The following TMCO6 variants were observed in gnomAD, a reference collection of about 807,000 sequenced individuals.
TMCO6 encodes the protein transmembrane and coiled-coil domain-containing protein 6.
A neutral mutation model predicts 61.8 loss-of-function variants in TMCO6; 47 were observed. The observed-to-expected ratio is 0.76, with a 90% CI of 0.60 to 0.97. The LOEUF (loss-of-function observed/expected upper bound fraction) is 0.97, where lower values mean the gene tolerates loss of function less well. Ranked by LOEUF, TMCO6 falls within the 50% of genes least tolerant of loss-of-function variation. TMCO6 has a pLI of 0.00. For missense variants in TMCO6, 557 were observed against 601.6 expected (o/e 0.93, Z 0.78); for synonymous variants, 261 against 254.2 (o/e 1.03, Z -0.25).
intron 2 of TMCO6, chr5:140,641,064 C>T (rs1345941432): frequency 6.5e-6 from 1 of 154,862 alleles, no homozygotes; most frequent in East Asian, 1.9e-4. Flanking sequence ...AGGATAGAGT[C>T]CTTTTCTTTG....
chr5:140,631,593 C>A, the TMCO6 span: 1 of 373,276 alleles, frequency 2.7e-6, no homozygotes, highest in African/African-American at 2.1e-5. Flanking sequence ...CCCCGCAGTT[C>A]TTTTCTTGAG....
chr5:140,639,291 A>G (rs762416533), upstream of TMCO6: 81 of 518,950 alleles, frequency 1.6e-4, no homozygotes, highest in Non-Finnish European at 2.2e-4. Flanking sequence ...AATCAGAGGC[A>G]GAGCGACGCC....
the TMCO6 span, among the ~76,000 whole-genome samples, chr5:140,616,765 T>C: frequency 4.0e-5 from 6 of 151,858 alleles, no homozygotes; most frequent in Non-Finnish European, 8.8e-5. Flanking sequence ...TGGGCAAAGG[T>C]CCAGTCATGG....
chr5:140,602,845 C>A, the TMCO6 span, among the ~76,000 whole-genome samples: 1 of 151,926 alleles, frequency 6.6e-6, no homozygotes, highest in Non-Finnish European at 1.5e-5. Flanking sequence ...CGTGGTGGCT[C>A]ACGCCTGTAA....
intron 4 of TMCO6, 23 bp from the exon 5 acceptor site, chr5:140,642,292 G>C: frequency 6.3e-7 from 1 of 1,590,850 alleles, no homozygotes; most frequent in Non-Finnish European, 8.6e-7. Flanking sequence ...GCCAAGCCCA[G>C]TGCTTTTGTT....
chr5:140,622,779 T>C, the TMCO6 span, among the ~76,000 whole-genome samples: 2 of 147,624 alleles, frequency 1.4e-5, no homozygotes, highest in Non-Finnish European at 3.0e-5. Context: ...GAGCAATGCA[T>C]GGGGAAACGT....
chr5:140,616,786 C>G, the TMCO6 span, among the ~76,000 whole-genome samples: 1 of 152,022 alleles, frequency 6.6e-6, no homozygotes, highest in African/African-American at 2.4e-5. Context: ...TGACTGATGC[C>G]TGTAATCACA....
intron 2 of TMCO6, among the ~76,000 whole-genome samples, chr5:140,640,513 C>T (rs1199991764): frequency 6.6e-6 from 1 of 151,630 alleles, no homozygotes; most frequent in African/African-American, 2.4e-5. Flanking sequence ...TCAAGCGATT[C>T]TCCTGCCTCA....
At chr5:140,618,641 C>G in the TMCO6 span, among the ~76,000 whole-genome samples, 1 of 152,064 alleles carries the variant, frequency 6.6e-6, no homozygotes, top group Non-Finnish European at 1.5e-5. Flanking sequence ...GCTACTCTCC[C>G]TCTTCCACCC....
Position 140,643,626 on chromosome 5 carries a change from T to A in TMCO6, c.869T>A (p.Leu290Ter). 1.2e-6 allele frequency: 2 copies of A among 1,614,076 alleles called. No homozygotes were observed. The highest frequency in any genetic ancestry group is 1.7e-6 in the Non-Finnish European group (2 of 1,179,976). ...CTGTCTACTCTGGGGTTGCTGCTGT[T>A]GGACTTGGCTGGGGCTGTCCAGAAA... ...GALSTLGLLL[L>*]DLAGAVQKTE... The change falls in exon 8 of 12, where the codon TTG becomes TAG. Residue 290 changes from leucine (L) to a stop codon, truncating the protein, a stop_gained. Transcript: ENST00000394671. LOFTEE classifies it high-confidence loss of function.
At chr5:140,641,544 G>A (rs531111433) in intron 2 of TMCO6, 121 bp from the exon 3 acceptor site, 1 of 760,992 alleles carries the variant, frequency 1.3e-6, no homozygotes, top group Admixed American at 2.5e-5. Flanking sequence ...AGTTGCATTA[G>A]TGTGAATGAC....
the TMCO6 span, among the ~76,000 whole-genome samples, chr5:140,601,875 G>C: frequency 6.6e-6 from 1 of 152,110 alleles, no homozygotes; most frequent in Admixed American, 6.6e-5. Context: ...ATAAGCTTTA[G>C]GACAGTGCCT....
the TMCO6 span, among the ~76,000 whole-genome samples, chr5:140,597,056 G>T: frequency 6.6e-6 from 1 of 152,166 alleles, no homozygotes; most frequent in Non-Finnish European, 1.5e-5. Context: ...AGGAACTGGG[G>T]TTGAAGACCA....
the TMCO6 span, among the ~76,000 whole-genome samples, chr5:140,602,864 C>G: frequency 6.6e-6 from 1 of 151,998 alleles, no homozygotes; most frequent in African/African-American, 2.4e-5. Flanking sequence ...AATCCCAGCA[C>G]TTTGGGAGGC....
chr5:140,601,666 G>A, the TMCO6 span, among the ~76,000 whole-genome samples: 1 of 152,170 alleles, frequency 6.6e-6, no homozygotes, highest in Non-Finnish European at 1.5e-5. Context: ...TAAGGATGAC[G>A]TAAAGCAGTG....
chr5:140,617,139 G>T, the TMCO6 span, among the ~76,000 whole-genome samples: 2 of 152,014 alleles, frequency 1.3e-5, no homozygotes, highest in Non-Finnish European at 2.9e-5. Flanking sequence ...GATACTCAAG[G>T]TCTTGGCTGG....
At chr5:140,647,148 C>T, downstream of TMCO6, 2 of 1,211,196 alleles carry the variant, frequency 1.7e-6, no homozygotes, top group Non-Finnish European at 2.3e-6. Context: ...GGCTAAAGTC[C>T]GAGTTCTAGT....
At chr5:140,647,529 T>C (rs1254988594), downstream of TMCO6, 2 of 1,612,396 alleles carry the variant, frequency 1.2e-6, no homozygotes, top group Non-Finnish European at 1.7e-6. Flanking sequence ...TGGATGCGAA[T>C]CTCACGCAGG....
the TMCO6 span, among the ~76,000 whole-genome samples, chr5:140,612,973 A>G: frequency 2.6e-5 from 4 of 152,220 alleles, no homozygotes; most frequent in Non-Finnish European, 5.9e-5. Flanking sequence ...ACAAAACTGA[A>G]CAAGAGCAAC....
Sources: gnomAD v4.1 joint callset for allele counts (sites outside exome capture counted in the v4.1 genomes callset) on GRCh38, gnomAD v4.1.1 for gene constraint, MANE v1.5 for transcripts, NCBI Gene and HGNC (gene_info 2026-07-23, HGNC 2026-07-21) for gene names.